The following MTHFD1 variants were observed in gnomAD, a reference collection of about 807,000 sequenced individuals.
MTHFD1 encodes the protein methylenetetrahydrofolate dehydrogenase, cyclohydrolase and formyltetrahydrofolate synthetase 1.
In MTHFD1, 44 loss-of-function variants were observed where a neutral mutation model predicts 110.3. The ratio of observed to expected loss-of-function variants is 0.40; its 90% CI spans 0.31 to 0.51. The LOEUF is 0.51. MTHFD1 is among the 20% of genes least tolerant of loss of function. MTHFD1 has a pLI of 0.60. For missense variants in MTHFD1, 909 were observed against 1,173.1 expected, an observed-to-expected ratio of 0.77 and a Z score of 3.29; for synonymous variants, 402 against 428.8, an observed-to-expected ratio of 0.94 and a Z score of 0.77.
intron 1 of MTHFD1, chr14:64,390,269 T>A (rs1566550389): frequency 6.6e-6 from 1 of 152,172 alleles, no homozygotes; most frequent in Admixed American, 6.5e-5. Flanking sequence ...ATATGTTGTA[T>A]TAATAATCAG....
rs1292262810 is a variant in MTHFD1, at chr14:64,459,954, T to C, written c.*200T>C. ...TGTATAAATTAACATAAATCATGCA[T>C]GTCTGTTTACTTTAGTGACGTTCCA... On this transcript the variant is annotated 3_prime_UTR_variant, in exon 28 of 28. Transcript: ENST00000652337. The C allele has an allele frequency of 9.8e-6, 15 of 1,525,504 alleles. No homozygotes were observed. The highest frequency in any genetic ancestry group is 6.0e-5 in the South Asian group (5 of 83,674). The allele number at this position is 1,525,504 out of a possible 1,614,324, so 94.5% of individuals were successfully genotyped here.
intron 27 of MTHFD1, among the ~76,000 whole-genome samples, chr14:64,459,356 A>T (rs778277362): frequency 1.2e-4 from 18 of 152,200 alleles, no homozygotes; most frequent in Non-Finnish European, 2.6e-4. Flanking sequence ...TTGGGGGAGC[A>T]CCTGAGAAAA....
chr14:64,400,658 CA>C (rs1428979837), intron 1 of MTHFD1, 134 bp from the exon 2 acceptor site: 4 of 693,972 alleles, frequency 5.8e-6, no homozygotes, highest in Admixed American at 2.1e-5. Context: ...ACTGTACTCC[CA>C]GCCTGGGTGA....
chr14:64,433,954 T>C (rs112065870), intron 15 of MTHFD1, among the ~76,000 whole-genome samples: 9,412 of 151,908 alleles, frequency 0.062, 518 homozygotes, highest in African/African-American at 0.16. Context: ...CGCTTGAACC[T>C]GGGAGGCGGA....
intron 1 of MTHFD1, among the ~76,000 whole-genome samples, chr14:64,394,729 G>C (rs1337893120): frequency 6.6e-6 from 1 of 152,098 alleles, no homozygotes; most frequent in East Asian, 1.9e-4. Context: ...GGGTTTAGGT[G>C]CCCAAATACC....
chr14:64,419,892 A>G lies in MTHFD1; in HGVS notation c.694A>G (p.Ile232Val). 6 of 1,614,106 alleles carry G rather than the reference A, an allele frequency of 3.7e-6. No homozygotes were observed. The highest frequency in any genetic ancestry group is 5.1e-6 in the Non-Finnish European group (6 of 1,179,932). ...AGGGGAGTGGATCAAACCTGGGGCA[A>G]TAGTCATCGACTGTGGAATCAATTA... is the stretch of plus-strand genomic sequence containing the variant. ...VKGEWIKPGA[I>V]VIDCGINYVP... is the part of the protein sequence containing the mutation. The change falls in exon 8 of 28, where the codon ATA (isoleucine) becomes GTA (valine). Residue 232 changes from isoleucine (I) to valine (V), a missense_variant. This residue lies in a region of MTHFD1 where 424 missense variants were observed against 510.4 expected (regional missense o/e 0.83). Transcript: ENST00000652337.
chr14:64,433,972 G>A (rs1266618635), intron 15 of MTHFD1, among the ~76,000 whole-genome samples: 3 of 152,100 alleles, frequency 2.0e-5, no homozygotes, highest in Non-Finnish European at 4.4e-5. Context: ...GGAGGTTGCA[G>A]TGAGCTGAGG....
chr14:64,431,036 G>A (rs1003007654), intron 13 of MTHFD1, among the ~76,000 whole-genome samples: 1 of 151,348 alleles, frequency 6.6e-6, no homozygotes, highest in Non-Finnish European at 1.5e-5. Context: ...TCTGTGGACA[G>A]ATAATTAGTC....
At chr14:64,427,571 C>A in intron 12 of MTHFD1, 98 bp downstream of exon 12, 1 of 1,148,134 alleles carries the variant, frequency 8.7e-7, no homozygotes, top group Non-Finnish European at 1.3e-6. Flanking sequence ...GGGTCTTCAA[C>A]TCATTTCAAC....
intron 24 of MTHFD1, 65 bp from the exon 25 acceptor site, chr14:64,453,689 T>C (rs775615790): frequency 1.1e-6 from 1 of 940,726 alleles, no homozygotes; most frequent in South Asian, 1.4e-5. Flanking sequence ...AATGTGGCTA[T>C]GTCCTGGTTA....
intron 26 of MTHFD1, 169 bp downstream of exon 26, chr14:64,455,044 T>C: frequency 4.3e-6 from 3 of 701,150 alleles, no homozygotes; most frequent in Non-Finnish European, 7.7e-6. Context: ...GCAGGAGCTA[T>C]ATAGCTCTTG....
chr14:64,425,868 T>C, intron 10 of MTHFD1, 41 bp downstream of exon 10: 3 of 1,600,770 alleles, frequency 1.9e-6, no homozygotes, highest in Non-Finnish European at 2.6e-6. Flanking sequence ...TTGTGAATTG[T>C]TGGTTTTTAG....
In MTHFD1 at chr14:64,430,338, C is replaced by T. The variant is rs1273960212; in HGVS notation, c.1311+108C>T. ...CCCATGACGGAGTCTTGCTCTGTTG[C>T]CCAGAGCTGGAGTGCAATGGCGCAA... On this transcript the variant is annotated intron_variant, in intron 13 of 27. Coordinates refer to ENST00000652337, the MANE Select transcript of MTHFD1 (RefSeq NM_005956.4). The T allele has an allele frequency of 1.2e-5, 13 of 1,078,784 alleles. No individual in the cohort carries two copies. In the East Asian group the frequency reaches 2.0e-4, roughly 16 times the overall value. The allele number at this position is 1,078,784 out of a possible 1,614,324, so 66.8% of individuals were successfully genotyped here. A position where few individuals can be genotyped will look rare whatever the true frequency, so the allele number is the denominator to read the frequency against.
chr14:64,433,311 G>A lies in MTHFD1; in HGVS notation c.1494+1450G>A, dbSNP rs529572842. 4.6e-5 allele frequency among the ~76,000 whole-genome samples: 7 copies of A among 152,052 alleles called. No homozygotes were observed. In the South Asian group the frequency reaches 1.0e-3, roughly 23 times the overall value. On this transcript the variant is annotated intron_variant, in intron 15 of 27. Coordinates refer to ENST00000652337, the MANE Select transcript of MTHFD1 (RefSeq NM_005956.4). The stretch of plus-strand genomic sequence containing the variant: ...TTTTGGTATTTTTAGTAGAGAGAAG[G>A]TTTCATCATGTTGGCCAGGCTGGTC...
rs191805863 is a variant in MTHFD1 at position 64,441,602 on chromosome 14, C to A, written c.1884+149C>A. The A allele has an allele frequency of 2.3e-4, 158 of 688,238 alleles. 1 individual carries two copies. Among genetic ancestry groups the A allele is most frequent in the East Asian group, 1.4e-3 (47 of 34,432 alleles). 42.6% of individuals were successfully genotyped at this position (688,238 alleles called of 1,614,324 possible). ...TGGGCAGATCACAAGGTCAGGAGATCGAGACCATCCTGGCTAACATGGTGA... is the reference window on the plus strand; with the variant it reads ...TGGGCAGATCACAAGGTCAGGAGATAGAGACCATCCTGGCTAACATGGTGA... On this transcript the variant is annotated intron_variant, in intron 19 of 27. Transcript: ENST00000652337.
intron 2 of MTHFD1, among the ~76,000 whole-genome samples, chr14:64,408,285 C>CTTTTTT (rs1555336630): frequency 2.5e-5 from 3 of 121,180 alleles, no homozygotes; most frequent in Admixed American, 9.3e-5. Context: ...AATCAGCATT[C>CTTTTTT]TTTTTTTTTT....
intron 6 of MTHFD1, 131 bp downstream of exon 6, chr14:64,415,870 A>G (rs979455515): frequency 8.0e-5 from 70 of 878,844 alleles, no homozygotes; most frequent in Non-Finnish European, 1.1e-4. Flanking sequence ...CCTGTCTACT[A>G]AGGATGTTAC....
chr14:64,446,273 T>C (rs946791370), intron 22 of MTHFD1, among the ~76,000 whole-genome samples: 2 of 152,358 alleles, frequency 1.3e-5, no homozygotes, highest in Admixed American at 1.3e-4. Context: ...TGTCCTAAAA[T>C]GGAATAATTA....
intron 1 of MTHFD1, chr14:64,389,027 T>TA (rs2077784898): frequency 6.4e-6 from 1 of 155,616 alleles, no homozygotes. Context: ...GTCCTAGAGT[T>TA]ACTTGAAACG....
Sources: allele counts gnomAD v4.1 joint callset (sites outside exome capture counted in the v4.1 genomes callset), GRCh38; gene constraint gnomAD v4.1.1; regional missense constraint gnomAD v4.1.1; transcripts MANE v1.5; gene names NCBI Gene and HGNC (gene_info 2026-07-23, HGNC 2026-07-21).